Variants in SPATA32 observed in about 807,000 individuals in gnomAD.
SPATA32 encodes spermatogenesis associated 32.
In SPATA32, 28 loss-of-function variants were observed where a neutral mutation model predicts 35.4. The observed-to-expected ratio is 0.79, with a 90% CI of 0.59 to 1.09. The LOEUF (loss-of-function observed/expected upper bound fraction) is 1.09, where lower values mean the gene tolerates loss of function less well. Ranked by LOEUF, SPATA32 falls within the 50% of genes least tolerant of loss-of-function variation. SPATA32 has a pLI of 0.00. For synonymous variants in SPATA32, 168 were observed against 196.3 expected (o/e 0.86, Z 1.20); for missense variants, 409 against 475.9 (o/e 0.86, Z 1.31).
chr17:45,256,583 C>G lies in SPATA32; in HGVS notation c.69-168G>C, dbSNP rs1460836756. 6.6e-6 allele frequency among the ~76,000 whole-genome samples: 1 copy of G among 152,158 alleles called. No homozygotes were observed. The highest frequency in any genetic ancestry group is 1.5e-5 in the Non-Finnish European group (1 of 68,036). On this transcript the variant is annotated intron_variant, in intron 2 of 4. Transcript: ENST00000331780. This position sits in a 1 kb window ranked among gnomAD's most constrained non-coding sequence, Gnocchi z 4.7. ...TCCACTCCCCTGCTGTCCCACTCCA[C>G]TGCCACCAGGAAGTCTGCGGTTGTA... is the stretch of plus-strand genomic sequence containing the variant.
At position 45,256,068 on chromosome 17, in the gene SPATA32, C is replaced by T; in HGVS notation, c.114G>A (p.Glu38=). 1 of 1,595,410 alleles carries T rather than the reference C, an allele frequency of 6.3e-7. No individual in the cohort carries two copies. Among genetic ancestry groups the T allele is most frequent in the Non-Finnish European group, 8.5e-7 (1 of 1,170,306 alleles). ...GGGGCTTCTGCTCTAGCATGTCTGCCTCCAGCTGAAATGTTTCAACTCAAA... is the reference window on the plus strand; with the variant it reads ...GGGGCTTCTGCTCTAGCATGTCTGCTTCCAGCTGAAATGTTTCAACTCAAA... The part of the protein sequence containing the change: ...QHQIQEEQEL[E]ADMLEQKPQL... Residue 38 remains glutamate (E), a synonymous_variant, in exon 4 of 5, where the codon GAG becomes GAA. Coordinates refer to ENST00000331780, the MANE Select transcript of SPATA32 (RefSeq NM_152343.3). The surrounding 1 kb of genome is among the most constrained non-coding windows in gnomAD (Gnocchi z 4.7).
At position 45,256,254 on chromosome 17, in the gene SPATA32, G is replaced by A. The variant is rs2143722043; in HGVS notation, c.108+122C>T. 1.7e-6 allele frequency: 2 copies of A among 1,208,936 alleles called. No homozygotes were observed. The highest frequency in any genetic ancestry group is 2.3e-5 in the East Asian group (1 of 43,078). 74.9% of individuals were successfully genotyped at this position (1,208,936 alleles called of 1,614,324 possible). ...CCGGTGAGGGGGTGTGTGTGTGGGT[G>A]TACCCACACCGGCCTGGTACTAGGG... On this transcript the variant is annotated intron_variant, in intron 3 of 4. Transcript: ENST00000331780. This position sits in a 1 kb window ranked among gnomAD's most constrained non-coding sequence, Gnocchi z 4.7.
At chr17:45,260,500 C>T (rs1290392315) in intron 1 of SPATA32, 1 of 152,282 alleles carries the variant, frequency 6.6e-6, no homozygotes, top group African/African-American at 2.4e-5. Flanking sequence ...CCATGACTTC[C>T]TACCCTTTGG....
intron 1 of SPATA32, among the ~76,000 whole-genome samples, chr17:45,258,769 GGATTATAGGCATGCGCCACGACGCCCA>G (rs1407217137): frequency 1.3e-5 from 2 of 152,038 alleles, no homozygotes; most frequent in African/African-American, 4.8e-5. Context: ...TGAGCAGCTG[GGATTATAGGCATGCGCCACGACGCCCA>G]GCTCACTTTT....
intron 4 of SPATA32, 87 bp from the exon 5 acceptor site, chr17:45,254,600 G>A (rs553968663): frequency 1.6e-4 from 194 of 1,219,720 alleles, no homozygotes; most frequent in African/African-American, 4.3e-4. Flanking sequence ...TGAAGAGGTC[G>A]CTGGGGGTAA....
rs901276567 is a variant in SPATA32 at position 45,256,469 on chromosome 17, A to G, written c.69-54T>C. 1.3e-6 allele frequency: 2 copies of G among 1,546,414 alleles called. No homozygotes were observed. The highest frequency in any genetic ancestry group is 2.7e-5 in the African/African-American group (2 of 73,940). Reference sequence around the variant, plus strand: ...TGGGGATCTGTGGGGCTTCAGCGGGAAGGGGGTTTCTGGGGCCCTCAAAGC... The same window carrying G: ...TGGGGATCTGTGGGGCTTCAGCGGGGAGGGGGTTTCTGGGGCCCTCAAAGC... On this transcript the variant is annotated intron_variant, in intron 2 of 4. Coordinates refer to ENST00000331780, the MANE Select transcript of SPATA32 (RefSeq NM_152343.3). This position sits in a 1 kb window ranked among gnomAD's most constrained non-coding sequence, Gnocchi z 4.7.
intron 1 of SPATA32, chr17:45,260,523 AG>A (rs2043996298): frequency 6.6e-6 from 1 of 152,216 alleles, no homozygotes; most frequent in African/African-American, 2.4e-5. Context: ...CTTGGTGCTG[AG>A]TGCTTTGCAC....
chr17:45,256,929 C>T lies in SPATA32; in HGVS notation c.68+224G>A, dbSNP rs1598227136. Among the ~76,000 whole-genome samples, 3 of 152,224 alleles carry T rather than the reference C, an allele frequency of 2.0e-5. No individual in the cohort carries two copies. Among genetic ancestry groups the T allele is most frequent in the Admixed American group, 1.3e-4 (2 of 15,290 alleles). ...CTGTCCCTGGGTGTGCCCCACCACC[C>T]CTCAGTCTTCCTCTCATGCCAGGGG... is the stretch of plus-strand genomic sequence containing the variant. On this transcript the variant is annotated intron_variant, in intron 2 of 4. Coordinates refer to ENST00000331780, the MANE Select transcript of SPATA32 (RefSeq NM_152343.3). This position sits in a 1 kb window ranked among gnomAD's most constrained non-coding sequence, Gnocchi z 4.7.
intron 1 of SPATA32, chr17:45,261,735 ACT>A (rs2044010868): frequency 5.1e-6 from 2 of 393,896 alleles, no homozygotes; most frequent in Admixed American, 8.9e-5. Flanking sequence ...AGAACCACTG[ACT>A]CTGCAGTCCC....
rs377410391 is a variant in SPATA32, at chr17:45,254,434, C to G, written c.1147G>C (p.Glu383Gln). The G allele has an allele frequency of 1.9e-6, 3 of 1,614,040 alleles. No individual in the cohort carries two copies. The highest frequency in any genetic ancestry group is 2.7e-5 in the African/African-American group (2 of 74,946). Reference protein sequence around the residue: ...HFKLSAPTIPEK With the variant: ...HFKLSAPTIPQK Reference sequence around the variant, plus strand: ...TTATTGGTTCTGTCTAGTCATTTCTCTGGGATTGTGGGGGCTGACAGCTTA... The same window carrying G: ...TTATTGGTTCTGTCTAGTCATTTCTGTGGGATTGTGGGGGCTGACAGCTTA... Residue 383 changes from glutamate (E) to glutamine (Q), a missense_variant, in exon 5 of 5, where the codon GAG (glutamate) becomes CAG (glutamine). Glu to Gln is a conservative substitution (Grantham distance 29). Transcript: ENST00000331780.
chr17:45,261,894 G>A (rs1036606037), intron 1 of SPATA32, 110 bp downstream of exon 1: 33 of 1,184,592 alleles, frequency 2.8e-5, no homozygotes, highest in African/African-American at 4.7e-5. Flanking sequence ...GGGAGCAGGG[G>A]AACGGGCCCT....
intron 1 of SPATA32, chr17:45,260,907 C>T (rs1304300393): frequency 2.6e-5 from 4 of 152,230 alleles, no homozygotes; most frequent in African/African-American, 7.2e-5. Context: ...CCCAGAGTAC[C>T]GCAGGCCTTT....
In SPATA32 at chr17:45,255,381, A is replaced by G. The variant is rs2043946216; in HGVS notation, c.801T>C (p.Ala267=). ...DLPSLEHMMK[A]PPQEALEPST... ...AAGGCTCCAGAGCCTCCTGGGGTGG[A>G]GCTTTCATCATGTGTTCCAAACTGG... Residue 267 remains alanine, a synonymous_variant, in exon 4 of 5, where the codon GCT becomes GCC. Coordinates refer to ENST00000331780, the MANE Select transcript of SPATA32 (RefSeq NM_152343.3). The surrounding 1 kb of genome is among the most constrained non-coding windows in gnomAD (Gnocchi z 5.4). 6.2e-7 allele frequency: 1 copy of G among 1,613,924 alleles called. No individual in the cohort carries two copies. Among genetic ancestry groups the G allele is most frequent in the African/African-American group, 1.3e-5 (1 of 74,864 alleles).
chr17:45,259,002 C>A (rs1410734005), intron 1 of SPATA32, among the ~76,000 whole-genome samples: 3 of 151,736 alleles, frequency 2.0e-5, no homozygotes, highest in African/African-American at 7.3e-5. Context: ...TTGTATCCTG[C>A]AACTATACTA....
chr17:45,260,651 T>C (rs1188622173), intron 1 of SPATA32: 3 of 152,254 alleles, frequency 2.0e-5, no homozygotes, highest in African/African-American at 7.2e-5. Flanking sequence ...AAGGCAGGTC[T>C]GGCTGGCTCC....
rs1218425623 is a variant in SPATA32, at chr17:45,256,259, C to T, written c.108+117G>A. On this transcript the variant is annotated intron_variant, in intron 3 of 4. Coordinates refer to ENST00000331780, the MANE Select transcript of SPATA32 (RefSeq NM_152343.3). The surrounding 1 kb of genome is among the most constrained non-coding windows in gnomAD (Gnocchi z 4.7). ...GAGGGGGTGTGTGTGTGGGTGTACC[C>T]ACACCGGCCTGGTACTAGGGTCCCA... 5 of 1,256,920 alleles carry T rather than the reference C, an allele frequency of 4.0e-6. No homozygotes were observed. The African/African-American group carries it at 7.3e-5, about 18-fold the overall frequency. 77.9% of individuals were successfully genotyped at this position (1,256,920 alleles called of 1,614,324 possible). A position where few individuals can be genotyped will look rare whatever the true frequency, so the allele number is the denominator to read the frequency against.
At chr17:45,261,756 G>A in intron 1 of SPATA32, 1 of 401,594 alleles carries the variant, frequency 2.5e-6, no homozygotes, top group East Asian at 3.6e-5. Flanking sequence ...CCTACTCCAA[G>A]GCGCGCATGC....
chr17:45,257,391 TCCCTCCACTCTCCGTCTGTG>T (rs1302865697), intron 1 of SPATA32, among the ~76,000 whole-genome samples, 184 bp from the exon 2 acceptor site: 1 of 151,882 alleles, frequency 6.6e-6, no homozygotes, highest in African/African-American at 2.4e-5. Flanking sequence ...CCAGTCCTGC[TCCCTCCACTCTCCGTCTGTG>T]CCTTGCCTCC....
intron 1 of SPATA32, among the ~76,000 whole-genome samples, chr17:45,261,402 T>A (rs1381426804): frequency 6.6e-6 from 1 of 152,164 alleles, no homozygotes; most frequent in Non-Finnish European, 1.5e-5. Context: ...TGACCGTTTT[T>A]AATGCTGGCC....
Sources: gnomAD v4.1 joint callset for allele counts (sites outside exome capture counted in the v4.1 genomes callset) on GRCh38, gnomAD v4.1.1 for gene constraint, Gnocchi (gnomAD v3.1) non-coding constraint, MANE v1.5 for transcripts, NCBI Gene and HGNC (gene_info 2026-07-23, HGNC 2026-07-21) for gene names.